SLC16A12: variants seen among roughly 807,000 people sequenced by gnomAD.
SLC16A12 encodes the protein solute carrier family 16 member 12, also known as monocarboxylate transporter 12.
Under a neutral mutation model 42.4 loss-of-function variants are expected in SLC16A12, and 17 were observed. The observed-to-expected ratio is 0.40, with a 90% CI of 0.27 to 0.60. SLC16A12 has a LOEUF of 0.60. Among genes scored for constraint, SLC16A12 ranks in the 20% least tolerant of loss-of-function variants. SLC16A12 has a pLI of 0.42. For missense variants in SLC16A12, 544 were observed against 623.0 expected (o/e 0.87, Z 1.35); for synonymous variants, 224 against 229.4 (o/e 0.98, Z 0.21).
In SLC16A12 at chr10:89,554,597, G is replaced by A. The variant is rs531440975; in HGVS notation, c.-47+1285C>T. On this transcript the variant is annotated intron_variant, in intron 2 of 2. Coordinates refer to the SLC16A12 transcript ENST00000475682. ...ACAAAGTGTTTGCTTTGCCACCTCT[G>A]AATCCACCTTTCCCAGAGCTGCTCT... Among the ~76,000 whole-genome samples the A allele has an allele frequency of 7.1e-4, 108 of 152,304 alleles. 1 individual carries two copies. The highest frequency in any genetic ancestry group is 1.1e-3 in the Non-Finnish European group (74 of 68,022).
upstream of SLC16A12, among the ~76,000 whole-genome samples, chr10:89,537,346 G>T (rs550203555): frequency 3.3e-4 from 50 of 151,934 alleles, no homozygotes; most frequent in Admixed American, 6.6e-4. Flanking sequence ...CAAGCCAGGG[G>T]TTTTTTTAAA....
chr10:89,555,156 A>G (rs73365517), intron 2 of SLC16A12, among the ~76,000 whole-genome samples: 8,435 of 152,036 alleles, frequency 0.055, 283 homozygotes, highest in South Asian at 0.12. Context: ...GCAAATTAGT[A>G]TTTAAGAGGA....
At chr10:89,555,470 T>G (rs1291866690) in intron 2 of SLC16A12, among the ~76,000 whole-genome samples, 1 of 148,558 alleles carries the variant, frequency 6.7e-6, no homozygotes, top group Non-Finnish European at 1.5e-5. Context: ...GGATAATATA[T>G]ATATGTGTAT....
chr10:89,502,282 C>G (rs922672315), intron 2 of SLC16A12, among the ~76,000 whole-genome samples: 2 of 151,922 alleles, frequency 1.3e-5, no homozygotes, highest in African/African-American at 4.8e-5. Context: ...AACCCCGTCT[C>G]TACTAAAAAT....
intron 2 of SLC16A12, among the ~76,000 whole-genome samples, chr10:89,476,285 T>G (rs1842577524): frequency 6.6e-6 from 1 of 152,172 alleles, no homozygotes; most frequent in Non-Finnish European, 1.5e-5. Context: ...TTGAGAACAG[T>G]GCTGCTCTCC....
intron 2 of SLC16A12, among the ~76,000 whole-genome samples, chr10:89,521,324 G>A (rs7917083): frequency 0.4 from 61,308 of 152,102 alleles, 14,243 homozygotes; most frequent in African/African-American, 0.65. Context: ...TTCTACGCAT[G>A]GCACTTATGG....
intron 2 of SLC16A12, among the ~76,000 whole-genome samples, chr10:89,497,205 C>G (rs901800564): frequency 1.3e-5 from 2 of 152,166 alleles, no homozygotes; most frequent in East Asian, 3.8e-4. Flanking sequence ...TCTGTACTTT[C>G]TGTTTGTAAA....
At chr10:89,526,920 C>T (rs1843463007) in intron 2 of SLC16A12, among the ~76,000 whole-genome samples, 1 of 151,268 alleles carries the variant, frequency 6.6e-6, no homozygotes, top group South Asian at 2.1e-4. Context: ...GAAAGGAGCC[C>T]AAAGCTGGAA....
chr10:89,440,459 T>A (rs11203126), intron 5 of SLC16A12, among the ~76,000 whole-genome samples: 2 of 152,116 alleles, frequency 1.3e-5, no homozygotes, highest in Non-Finnish European at 2.9e-5. Context: ...GCCACACCAA[T>A]GGCACAATGC....
chr10:89,551,633 AATC>A (rs1026236677), intron 2 of SLC16A12, among the ~76,000 whole-genome samples: 16 of 152,182 alleles, frequency 1.1e-4, no homozygotes, highest in Non-Finnish European at 1.6e-4. Context: ...AGATCATTTG[AATC>A]ATGGGGGTGT....
At position 89,439,179 on chromosome 10, in the gene SLC16A12, A is replaced by G; in HGVS notation, c.453T>C (p.Leu151=). The G allele has an allele frequency of 8.7e-6, 14 of 1,614,120 alleles. No individual in the cohort carries two copies. The highest frequency in any genetic ancestry group is 1.2e-5 in the Non-Finnish European group (14 of 1,179,994). Residue 151 remains leucine (L), a synonymous_variant, in exon 6 of 8, where the codon CTT becomes CTC. Coordinates refer to ENST00000371790, the MANE Select transcript of SLC16A12 (RefSeq NM_213606.4). The part of the protein sequence containing the change: ...LYLTLGVLTG[L]GFALCYSPAI... ...CTGGAGAGTAACAAAGTGCAAATCC[A>G]AGACCTGAGGATAAAGAGAACTCTA...
rs768550242 is a variant in SLC16A12 at position 89,443,789 on chromosome 10, G to A, written c.271C>T (p.His91Tyr). The change falls in exon 4 of 8, where the codon CAT (histidine) becomes TAT (tyrosine). Residue 91 changes from histidine to tyrosine, a missense_variant. Transcript: ENST00000371790. The part of the protein sequence containing the change: ...TQDYAQTAWI[H>Y]SIVDCVTMLC... ...ATGGTCACACAATCTACAATGGAAT[G>A]GATCCATGCCGTTTGTGCGTAATCC... 2 of 1,613,824 alleles carry A rather than the reference G, an allele frequency of 1.2e-6. No individual in the cohort carries two copies. The highest frequency in any genetic ancestry group is 2.2e-5 in the East Asian group (1 of 44,876).
intron 6 of SLC16A12, among the ~76,000 whole-genome samples, chr10:89,438,134 A>G (rs1841833610): frequency 6.6e-6 from 1 of 152,120 alleles, no homozygotes; most frequent in African/African-American, 2.4e-5. Context: ...TAGTTACCCT[A>G]GGCTTCTGCA....
chr10:89,483,908 C>G (rs1842709066), intron 2 of SLC16A12, among the ~76,000 whole-genome samples: 1 of 152,178 alleles, frequency 6.6e-6, no homozygotes, highest in Admixed American at 6.5e-5. Flanking sequence ...ATGCTGTGGT[C>G]AAGTGCATAG....
At chr10:89,462,820 T>C (rs2133748186) in intron 2 of SLC16A12, 196 bp from the exon 3 acceptor site, 1 of 557,388 alleles carries the variant, frequency 1.8e-6, no homozygotes, top group Non-Finnish European at 2.9e-6. Flanking sequence ...ACCTCTCAAA[T>C]TGTAGTCAAA....
chr10:89,510,564 C>T (rs1843147450), intron 2 of SLC16A12, among the ~76,000 whole-genome samples: 1 of 152,166 alleles, frequency 6.6e-6, no homozygotes, highest in Non-Finnish European at 1.5e-5. Context: ...TTCCTTACAC[C>T]TTATACAAAA....
chr10:89,530,584 A>AT (rs1206053740), intron 2 of SLC16A12, among the ~76,000 whole-genome samples: 8 of 151,862 alleles, frequency 5.3e-5, no homozygotes, highest in Non-Finnish European at 8.8e-5. Flanking sequence ...CGCCCGGCTA[A>AT]TTTTTTGTAC....
intron 3 of SLC16A12, among the ~76,000 whole-genome samples, chr10:89,458,622 T>C (rs1171723617): frequency 6.6e-6 from 1 of 152,220 alleles, no homozygotes; most frequent in African/African-American, 2.4e-5. Flanking sequence ...CATACTTAGA[T>C]ACAGCTTCAC....
At chr10:89,473,445 T>C (rs989117455) in intron 2 of SLC16A12, among the ~76,000 whole-genome samples, 10 of 152,244 alleles carry the variant, frequency 6.6e-5, no homozygotes, top group Admixed American at 5.9e-4. Context: ...AAGAAAACTA[T>C]ACAACTTATG....
Sources: allele counts gnomAD v4.1 joint callset (sites outside exome capture counted in the v4.1 genomes callset), GRCh38; gene constraint gnomAD v4.1.1; transcripts MANE v1.5; gene names NCBI Gene and HGNC (gene_info 2026-07-23, HGNC 2026-07-21).